Variants in SNX14 observed in about 807,000 individuals in gnomAD.
The protein encoded by SNX14 is sorting nexin 14.
SNX14 carries 93 observed loss-of-function variants against 133.8 expected under a neutral mutation model. The ratio of observed to expected loss-of-function variants is 0.70; its 90% CI spans 0.59 to 0.83. The LOEUF (loss-of-function observed/expected upper bound fraction) is 0.83. Among genes scored for constraint, SNX14 ranks in the 40% least tolerant of loss-of-function variants. The probability of loss-of-function intolerance (pLI) is 0.00; values close to 1 mark genes in which losing one functional copy is unlikely to be tolerated. For synonymous variants in SNX14, 368 were observed against 365.6 expected, an observed-to-expected ratio of 1.01 and a Z score of -0.07; for missense variants, 945 against 1,094.9, an observed-to-expected ratio of 0.86 and a Z score of 1.93.
chr6:85,592,946 G>A (rs1803338908), intron 1 of SNX14, among the ~76,000 whole-genome samples: 1 of 152,176 alleles, frequency 6.6e-6, no homozygotes, highest in East Asian at 1.9e-4. Context: ...CCCGGGAGGA[G>A]GAGCTTGCGG....
At chr6:85,591,860 A>G (rs1441069269) in intron 1 of SNX14, among the ~76,000 whole-genome samples, 1 of 152,134 alleles carries the variant, frequency 6.6e-6, no homozygotes, top group Non-Finnish European at 1.5e-5. Flanking sequence ...AAAATGTAAA[A>G]AAAGTAGCCG....
At chr6:85,513,986 C>A in intron 25 of SNX14, 84 bp downstream of exon 25, 1 of 1,557,758 alleles carries the variant, frequency 6.4e-7, no homozygotes, top group Non-Finnish European at 8.7e-7. Flanking sequence ...TAAACCAAAG[C>A]AAAACAAGAT....
intron 6 of SNX14, among the ~76,000 whole-genome samples, chr6:85,562,171 C>T (rs1198619269): frequency 3.3e-5 from 5 of 152,182 alleles, no homozygotes; most frequent in Admixed American, 2.0e-4. Context: ...AACATGATTT[C>T]ATTCTTTTTT....
chr6:85,548,838 A>G (rs1239456701), intron 8 of SNX14, among the ~76,000 whole-genome samples: 3 of 151,884 alleles, frequency 2.0e-5, no homozygotes, highest in African/African-American at 7.3e-5. Flanking sequence ...ATGATGGTGC[A>G]TGCCTGTAAT....
intron 1 of SNX14, among the ~76,000 whole-genome samples, chr6:85,592,587 G>A (rs900696436): frequency 6.6e-6 from 1 of 152,150 alleles, no homozygotes; most frequent in African/African-American, 2.4e-5. Flanking sequence ...AGTTTATTTC[G>A]GGGGCAGAAT....
intron 6 of SNX14, among the ~76,000 whole-genome samples, chr6:85,562,876 G>A (rs1055264036): frequency 6.6e-6 from 1 of 152,104 alleles, no homozygotes; most frequent in Non-Finnish European, 1.5e-5. Context: ...GAGCCACGGT[G>A]CATGGCCTGG....
intron 21 of SNX14, among the ~76,000 whole-genome samples, chr6:85,524,785 G>GAAAAAAAA (rs397885760): frequency 1.1e-5 from 1 of 88,248 alleles, no homozygotes; most frequent in African/African-American, 3.8e-5. Flanking sequence ...TTCCATCACA[G>GAAAAAAAA]AAAAAAAAAA....
At chr6:85,512,255 A>C (rs1456971774) in intron 26 of SNX14, among the ~76,000 whole-genome samples, 2 of 152,154 alleles carry the variant, frequency 1.3e-5, no homozygotes, top group African/African-American at 4.8e-5. Context: ...CCCTTGCCAG[A>C]AGCACATGGG....
intron 21 of SNX14, among the ~76,000 whole-genome samples, chr6:85,520,145 C>T (rs561379531): frequency 8.6e-5 from 13 of 150,740 alleles, no homozygotes; most frequent in African/African-American, 2.9e-4. Context: ...CAGTTTCAAG[C>T]AATTCTCCTG....
intron 23 of SNX14, 77 bp downstream of exon 23, chr6:85,517,679 A>C: frequency 1.4e-6 from 2 of 1,471,898 alleles, no homozygotes; most frequent in Non-Finnish European, 1.8e-6. Context: ...CAAAGTATTC[A>C]TTCTCTCGAC....
At chr6:85,525,383 CTAAAT>C (rs1562228948) in intron 21 of SNX14, among the ~76,000 whole-genome samples, 1 of 152,074 alleles carries the variant, frequency 6.6e-6, no homozygotes, top group African/African-American at 2.4e-5. Flanking sequence ...GATCAAGAAA[CTAAAT>C]TATTTTTCTG....
intron 1 of SNX14, among the ~76,000 whole-genome samples, chr6:85,587,618 C>T (rs1487495669): frequency 6.6e-6 from 1 of 152,044 alleles, no homozygotes; most frequent in African/African-American, 2.4e-5. Flanking sequence ...TACAGGCACA[C>T]ACCACCATGA....
intron 20 of SNX14, among the ~76,000 whole-genome samples, chr6:85,526,651 A>G (rs137878648): frequency 3.9e-5 from 6 of 152,266 alleles, no homozygotes; most frequent in Admixed American, 2.6e-4. Flanking sequence ...AAATGATAGC[A>G]TGATACAGCT....
Position 85,518,050 on chromosome 6 carries a change from TGCA to T in SNX14, c.2108-5_2108-3del. On this transcript the variant is annotated splice_polypyrimidine_tract_variant and splice_region_variant and intron_variant, in intron 21 of 28. Coordinates refer to ENST00000314673, the MANE Select transcript of SNX14 (RefSeq NM_153816.6). ...CAGGAACAGATTTTATAATTTTCCC[TGCA>T]ATTAAAAGTAAAACATTATTTTAGG... is the stretch of plus-strand genomic sequence containing the variant. 6 of 1,603,002 alleles carry T rather than the reference TGCA, an allele frequency of 3.7e-6. No individual in the cohort carries two copies. The highest frequency in any genetic ancestry group is 5.1e-6 in the Non-Finnish European group (6 of 1,173,298).
At chr6:85,521,773 T>C (rs1776965435) in intron 21 of SNX14, among the ~76,000 whole-genome samples, 1 of 152,236 alleles carries the variant, frequency 6.6e-6, no homozygotes, top group Admixed American at 6.5e-5. Flanking sequence ...ATTTTTGTTT[T>C]GTTGCCTATG....
At chr6:85,506,064 C>T in intron 28 of SNX14, 59 bp from the exon 29 acceptor site, 1 of 1,090,420 alleles carries the variant, frequency 9.2e-7, no homozygotes, top group Non-Finnish European at 1.4e-6. Context: ...TTGTAAATTG[C>T]CTAACAGCTC....
At chr6:85,520,034 A>G (rs753739537) in intron 21 of SNX14, among the ~76,000 whole-genome samples, 2 of 151,824 alleles carry the variant, frequency 1.3e-5, no homozygotes, top group African/African-American at 2.4e-5. Context: ...TAGTAGTAGT[A>G]GTAGTAGCAG....
In SNX14 at chr6:85,549,793, A is replaced by G. The variant is rs1160172536; in HGVS notation, c.721T>C (p.Leu241=). 6.2e-7 allele frequency: 1 copy of G among 1,614,050 alleles called. No individual in the cohort carries two copies. The highest frequency in any genetic ancestry group is 1.7e-5 in the Admixed American group (1 of 60,020). Residue 241 remains leucine, a synonymous_variant, in exon 8 of 29, where the codon TTG becomes CTG. Transcript: ENST00000314673. ...TCAGTAAGTTTCCTTAAATAGTGCA[A>G]TTCATCTCTTCGACTTCTCAAAGCA... ...HVALRSRRDE[L]HYLRKLTELL...
chr6:85,515,377 CACAA>C lies in SNX14; in HGVS notation c.2269-752_2269-749del, dbSNP rs201443433. On this transcript the variant is annotated intron_variant, in intron 23 of 28. Transcript: ENST00000314673. ...ATTTATTTGGACAATATTCAAAGCCCACAAAGGCCTAATCAATGTTGGGGTGGGG... is the reference window on the plus strand; with the variant it reads ...ATTTATTTGGACAATATTCAAAGCCCAGGCCTAATCAATGTTGGGGTGGGG... Among the ~76,000 whole-genome samples the C allele has an allele frequency of 2.7e-5, 4 of 150,538 alleles. No individual in the cohort carries two copies. In the East Asian group the frequency reaches 7.8e-4, roughly 29 times the overall value.
Sources: gnomAD v4.1 joint callset for allele counts (sites outside exome capture counted in the v4.1 genomes callset) on GRCh38, gnomAD v4.1.1 for gene constraint, MANE v1.5 for transcripts, NCBI Gene and HGNC (gene_info 2026-07-23, HGNC 2026-07-21) for gene names.